The following PTPRD variants were observed in gnomAD, a reference collection of about 807,000 sequenced individuals.
The protein encoded by PTPRD is receptor-type tyrosine-protein phosphatase delta.
A neutral mutation model predicts 214.5 loss-of-function variants in PTPRD; 34 were observed. The ratio of observed to expected loss-of-function variants is 0.16; its 90% confidence interval spans 0.12 to 0.21. The LOEUF (loss-of-function observed/expected upper bound fraction) is 0.21, where lower values mean the gene tolerates loss of function less well. Among genes scored for constraint, PTPRD ranks in the 10% least tolerant of loss-of-function variants. The pLI, the probability that PTPRD is intolerant of heterozygous loss-of-function variation, is 1.00. For missense variants in PTPRD, 2,545 were observed against 2,398.7 expected (o/e 1.06, Z -1.27); for synonymous variants, 1,128 against 845.7 (o/e 1.33, Z -5.79).
At chr9:9,288,792 T>C (rs1002693076) in intron 9 of PTPRD, among the ~76,000 whole-genome samples, 2 of 151,888 alleles carry the variant, frequency 1.3e-5, no homozygotes, top group Non-Finnish European at 2.9e-5. Context: ...TGGGAGGTAA[T>C]TTAATCATGG....
Position 9,771,173 on chromosome 9 carries a change from A to C in PTPRD, c.-367-4322T>G, listed in dbSNP as rs186998049. Among the ~76,000 whole-genome samples, 570 of 152,274 alleles carry C rather than the reference A, an allele frequency of 3.7e-3. 2 individuals are homozygous for C. The highest frequency in any genetic ancestry group is 0.013 in the African/African-American group (541 of 41,570). On this transcript the variant is annotated intron_variant, in intron 5 of 45. Coordinates refer to ENST00000381196, the MANE Select transcript of PTPRD (RefSeq NM_002839.4). Reference sequence around the variant, plus strand: ...TTATGTTCTTTTTCCCACCTTTATTAACTATTAGTATCTAATAAATTTGAC... The same window carrying C: ...TTATGTTCTTTTTCCCACCTTTATTCACTATTAGTATCTAATAAATTTGAC...
chr9:9,276,345 T>C (rs566694122), intron 9 of PTPRD, among the ~76,000 whole-genome samples: 14 of 151,512 alleles, frequency 9.2e-5, no homozygotes, highest in Admixed American at 8.6e-4. Flanking sequence ...TGTAATTACA[T>C]GTTACACTTG....
chr9:8,888,079 T>C (rs2098506822), intron 11 of PTPRD, among the ~76,000 whole-genome samples: 1 of 152,204 alleles, frequency 6.6e-6, no homozygotes, highest in Non-Finnish European at 1.5e-5. Context: ...TCTCACTCTT[T>C]AACAGAATAA....
In PTPRD at chr9:9,040,803, T is replaced by C. The variant is rs1055762029; in HGVS notation, c.-142-22068A>G. On this transcript the variant is annotated intron_variant, in intron 10 of 45. Coordinates refer to ENST00000381196, the MANE Select transcript of PTPRD (RefSeq NM_002839.4). ...TCAAATTTCAACACAAAATAGATTG[T>C]AGACTTGCAGCTAATGTTGCTTGCT... 3.9e-5 allele frequency among the ~76,000 whole-genome samples: 6 copies of C among 152,162 alleles called. 1 individual carries two copies. The highest frequency in any genetic ancestry group is 1.4e-4 in the African/African-American group (6 of 41,440).
intron 10 of PTPRD, among the ~76,000 whole-genome samples, chr9:9,176,610 G>C (rs1188604678): frequency 6.6e-6 from 1 of 152,166 alleles, no homozygotes; most frequent in East Asian, 1.9e-4. Context: ...AGGTGAGTAA[G>C]CCATGAGGCC....
intron 35 of PTPRD, among the ~76,000 whole-genome samples, chr9:8,406,198 C>T (rs1182923762): frequency 6.6e-6 from 1 of 152,076 alleles, no homozygotes; most frequent in Non-Finnish European, 1.5e-5. Context: ...TTTCATCTCC[C>T]TTGCAGAAAT....
intron 14 of PTPRD, among the ~76,000 whole-genome samples, chr9:8,609,880 T>A (rs532124046): frequency 2.6e-4 from 40 of 152,258 alleles, no homozygotes; most frequent in African/African-American, 8.7e-4. Context: ...GGAGAAAAAA[T>A]TCAGTATATT....
At chr9:9,349,409 C>T (rs979125218) in intron 9 of PTPRD, among the ~76,000 whole-genome samples, 1 of 152,032 alleles carries the variant, frequency 6.6e-6, no homozygotes, top group Non-Finnish European at 1.5e-5. Flanking sequence ...AATACAGAAA[C>T]ACTGCAAGCA....
chr9:9,564,340 G>C (rs926643273), intron 8 of PTPRD, among the ~76,000 whole-genome samples: 5 of 152,090 alleles, frequency 3.3e-5, no homozygotes, highest in Non-Finnish European at 4.4e-5. Flanking sequence ...CATCAGTTGT[G>C]AGGAATGCTT....
chr9:10,603,132 C>T (rs1306237417), intron 2 of PTPRD, among the ~76,000 whole-genome samples: 2 of 151,784 alleles, frequency 1.3e-5, no homozygotes, highest in African/African-American at 4.8e-5. Context: ...AATTAATCTT[C>T]CCAGGAAAAG....
intron 3 of PTPRD, among the ~76,000 whole-genome samples, chr9:10,201,955 C>A (rs1234916334): frequency 1.3e-5 from 2 of 151,774 alleles, no homozygotes; most frequent in Admixed American, 6.6e-5. Flanking sequence ...ACAGATCAGG[C>A]CACGTCTGAA....
chr9:10,171,684 C>T (rs1392640307), intron 3 of PTPRD, among the ~76,000 whole-genome samples: 1 of 152,062 alleles, frequency 6.6e-6, no homozygotes, highest in Non-Finnish European at 1.5e-5. Flanking sequence ...GCTACCACGC[C>T]CGGCTAATTT....
chr9:9,377,668 T>C (rs752847752), intron 9 of PTPRD, among the ~76,000 whole-genome samples: 22 of 152,128 alleles, frequency 1.4e-4, no homozygotes, highest in Non-Finnish European at 2.8e-4. Flanking sequence ...GAAAAATCCC[T>C]TCAGACATTG....
At chr9:9,806,831 A>G (rs1355956712) in intron 5 of PTPRD, among the ~76,000 whole-genome samples, 2 of 152,224 alleles carry the variant, frequency 1.3e-5, no homozygotes, top group African/African-American at 2.4e-5. Context: ...TACCTCTAGG[A>G]ACACTGAACA....
chr9:8,834,539 C>A (rs2097371123), intron 11 of PTPRD, among the ~76,000 whole-genome samples: 1 of 152,094 alleles, frequency 6.6e-6, no homozygotes, highest in African/African-American at 2.4e-5. Context: ...TTAATACTGA[C>A]AGCATTAATA....
At chr9:9,636,095 T>C (rs2095757123) in intron 7 of PTPRD, among the ~76,000 whole-genome samples, 1 of 152,124 alleles carries the variant, frequency 6.6e-6, no homozygotes, top group Admixed American at 6.5e-5. Context: ...GGTTCTTCAT[T>C]TGCTCAATTT....
intron 2 of PTPRD, among the ~76,000 whole-genome samples, chr9:10,398,833 C>T (rs148704975): frequency 1.2e-3 from 180 of 151,884 alleles, no homozygotes; most frequent in Middle Eastern, 3.4e-3. Context: ...TATTTTCATC[C>T]TCATTTTAGA....
intron 7 of PTPRD, among the ~76,000 whole-genome samples, chr9:9,595,158 C>T (rs923874893): frequency 4.6e-5 from 7 of 151,304 alleles, no homozygotes; most frequent in South Asian, 2.1e-4. Flanking sequence ...CCAGTGCAAC[C>T]GCTATGGAAA....
intron 2 of PTPRD, among the ~76,000 whole-genome samples, chr9:10,416,273 G>T (rs1452208252): frequency 1.3e-5 from 2 of 151,846 alleles, no homozygotes; most frequent in Non-Finnish European, 2.9e-5. Context: ...CAGGAGAATT[G>T]CTTGAACCTG....
Sources: gnomAD v4.1 joint callset for allele counts (sites outside exome capture counted in the v4.1 genomes callset) on GRCh38, gnomAD v4.1.1 for gene constraint, MANE v1.5 for transcripts, NCBI Gene and HGNC (gene_info 2026-07-23, HGNC 2026-07-21) for gene names.